Variants in ABCA4 observed in about 807,000 individuals in gnomAD.
ABCA4 encodes ATP binding cassette subfamily A member 4, also known as retinal-specific phospholipid-transporting ATPase ABCA4.
Under a neutral mutation model 263.7 loss-of-function variants are expected in ABCA4, and 196 were observed. That is an observed-to-expected ratio of 0.74 (90% CI 0.66 to 0.84). ABCA4 has a LOEUF of 0.84. Ranked by LOEUF, ABCA4 falls within the 40% of genes least tolerant of loss-of-function variation. The pLI is 0.00. For missense variants in ABCA4, 2,792 were observed against 2,855.1 expected, an observed-to-expected ratio of 0.98 and a Z score of 0.50; for synonymous variants, 1,133 against 1,094.2, an observed-to-expected ratio of 1.04 and a Z score of -0.70.
intron 8 of ABCA4, 105 bp from the exon 9 acceptor site, chr1:94,079,566 G>A (rs1430492407): frequency 6.5e-7 from 1 of 1,546,612 alleles, no homozygotes; most frequent in South Asian, 1.1e-5. Context: ...CTCCATGCTG[G>A]AGGATTTGAT....
intron 4 of ABCA4, among the ~76,000 whole-genome samples, chr1:94,104,095 T>A (rs551311550): frequency 4.6e-5 from 7 of 152,166 alleles, no homozygotes; most frequent in Non-Finnish European, 8.8e-5. Flanking sequence ...TATGATCGAA[T>A]TAATATAATT....
chr1:94,028,869 T>C (rs138322490), intron 30 of ABCA4, among the ~76,000 whole-genome samples: 5,357 of 121,332 alleles, frequency 0.044, 333 homozygotes, highest in African/African-American at 0.16. Flanking sequence ...ATCACACCGC[T>C]GCACTCCAAC....
rs61752390 is a variant in ABCA4 at position 94,080,491 on chromosome 1, A to T, written c.1086T>A (p.Tyr362Ter). 1 of 1,614,238 alleles carries T rather than the reference A, an allele frequency of 6.2e-7. No individual in the cohort carries two copies. The highest frequency in any genetic ancestry group is 8.5e-7 in the Non-Finnish European group (1 of 1,180,042). The change falls in exon 8 of 50, where the codon TAT (tyrosine) becomes TAA (stop). Residue 362 changes from tyrosine (Y) to a stop codon, truncating the protein, a stop_gained. Transcript: ENST00000370225. LOFTEE classifies it high-confidence loss of function. ...CAGAAAACTTACTTGTTCTTCTGTC[A>T]TAAGAATAGATAGGATCCTTCCTTG... ...DSTRKDPIYS[Y>*]DRRTTSFCNA...
chr1:94,029,468 C>T lies in ABCA4; in HGVS notation c.4516G>A (p.Ala1506Thr), dbSNP rs1243394849. ...ACCTGGGGGGGCGGGAGGCCCCCGG[C>T]ACCCTCGGGGCACTCTGGCAGCATG... ...LTMLPECPEGAGGLPPPQRTQ... is the reference protein window; with the variant it reads ...LTMLPECPEGTGGLPPPQRTQ... The change falls in exon 30 of 50, where the codon GCC (alanine) becomes ACC (threonine). Residue 1506 changes from alanine (A) to threonine (T), a missense_variant. By Grantham distance (58) the Ala-to-Thr change is moderately conservative (BLOSUM62 0). Transcript: ENST00000370225. 1 of 1,564,232 alleles carries T rather than the reference C, an allele frequency of 6.4e-7. No homozygotes were observed. Among genetic ancestry groups the T allele is most frequent in the East Asian group, 2.3e-5 (1 of 42,732 alleles).
chr1:93,994,337 T>C (rs1408782764), intron 49 of ABCA4, among the ~76,000 whole-genome samples: 2 of 152,352 alleles, frequency 1.3e-5, no homozygotes, highest in Non-Finnish European at 1.5e-5. Context: ...TGGAGTCCTT[T>C]GGAGAGTAAA....
intron 10 of ABCA4, 49 bp downstream of exon 10, chr1:94,078,541 C>T (rs1416563962): frequency 1.7e-6 from 2 of 1,173,728 alleles, no homozygotes; most frequent in East Asian, 2.6e-5. Flanking sequence ...CTTTCTTGCC[C>T]CCACCGCTTC....
At chr1:94,014,915 A>G (rs1659682821) in intron 37 of ABCA4, among the ~76,000 whole-genome samples, 1 of 152,170 alleles carries the variant, frequency 6.6e-6, no homozygotes, top group Non-Finnish European at 1.5e-5. Context: ...TGAGGAGCAA[A>G]TGGGCTGCTA....
Position 94,078,120 on chromosome 1 carries a change from G to A in ABCA4, c.1357-233C>T, listed in dbSNP as rs568151647. 1.1e-3 allele frequency among the ~76,000 whole-genome samples: 163 copies of A among 152,260 alleles called. 1 individual carries two copies. Among genetic ancestry groups the A allele is most frequent in the African/African-American group, 3.7e-3 (152 of 41,544 alleles). ...GTAGGGGCAAAGGAGGGGCCAGATG[G>A]GGGTCATTGAATATGGTGTATAAAA... is the stretch of plus-strand genomic sequence containing the variant. On this transcript the variant is annotated intron_variant, in intron 10 of 49. Coordinates refer to ENST00000370225, the MANE Select transcript of ABCA4 (RefSeq NM_000350.3).
chr1:94,010,940 A>G lies in ABCA4; in HGVS notation c.5585-11T>C, dbSNP rs750891832. On this transcript the variant is annotated splice_polypyrimidine_tract_variant and intron_variant, in intron 39 of 49. Transcript: ENST00000370225. ...CAGAGTGCTCCTCACCTGGGCATCAACAGGAATTGAGTCCACTTCAGCCGC... is the reference window on the plus strand; with the variant it reads ...CAGAGTGCTCCTCACCTGGGCATCAGCAGGAATTGAGTCCACTTCAGCCGC... 2 of 1,614,034 alleles carry G rather than the reference A, an allele frequency of 1.2e-6. No individual in the cohort carries two copies. The highest frequency in any genetic ancestry group is 1.1e-5 in the South Asian group (1 of 91,070).
At chr1:94,009,197 A>G (rs1036078382) in intron 40 of ABCA4, among the ~76,000 whole-genome samples, 1 of 152,114 alleles carries the variant, frequency 6.6e-6, no homozygotes, top group Non-Finnish European at 1.5e-5. Flanking sequence ...GATTGTGCTG[A>G]AGATGAACTC....
intron 11 of ABCA4, among the ~76,000 whole-genome samples, chr1:94,066,140 G>A (rs1250276468): frequency 6.6e-6 from 1 of 152,214 alleles, no homozygotes; most frequent in Non-Finnish European, 1.5e-5. Flanking sequence ...GGGGTAGGTG[G>A]CATCTAATAT....
At chr1:94,026,001 C>T (rs570392985) in intron 30 of ABCA4, among the ~76,000 whole-genome samples, 47 of 152,284 alleles carry the variant, frequency 3.1e-4, no homozygotes, top group Non-Finnish European at 2.4e-4. Context: ...GGACTGGAAG[C>T]TAGTTCATCG....
rs1661571699 is a variant in ABCA4 at position 94,077,679 on chromosome 1, C to T, written c.1554+11G>A. 3 of 1,603,322 alleles carry T rather than the reference C, an allele frequency of 1.9e-6. No individual in the cohort carries two copies. The highest frequency in any genetic ancestry group is 2.6e-6 in the Non-Finnish European group (3 of 1,173,740). On this transcript the variant is annotated intron_variant, in intron 11 of 49. Coordinates refer to ENST00000370225, the MANE Select transcript of ABCA4 (RefSeq NM_000350.3). The stretch of plus-strand genomic sequence containing the variant: ...TTCAAGGGGCCCACTGTGGGGCTTG[C>T]AGCCCCTTACCTCCAGGTATTGATT...
At chr1:93,997,432 AT>A (rs112489936) in intron 48 of ABCA4, among the ~76,000 whole-genome samples, 2,164 of 132,146 alleles carry the variant, frequency 0.016, 25 homozygotes, top group African/African-American at 0.035. Flanking sequence ...TAATTTTCTG[AT>A]TTTTTTTTTT....
chr1:94,027,296 C>T (rs556954626), intron 30 of ABCA4, among the ~76,000 whole-genome samples: 71 of 152,314 alleles, frequency 4.7e-4, no homozygotes, highest in African/African-American at 1.5e-3. Flanking sequence ...GGACAGACCG[C>T]GTGGAAGTAA....
chr1:94,104,598 G>A (rs571095), intron 4 of ABCA4, among the ~76,000 whole-genome samples: 136,721 of 152,218 alleles, frequency 0.9, 61,814 homozygotes, highest in South Asian at 0.96. Context: ...CCATGCAGCT[G>A]GGGCAGGGGA....
At chr1:94,019,304 T>G in intron 36 of ABCA4, 4 of 381,812 alleles carry the variant, frequency 1.0e-5, no homozygotes, top group Non-Finnish European at 1.9e-5. Flanking sequence ...AGTGATTATT[T>G]GATGGGTCAG....
chr1:94,020,723 T>C (rs960389255), intron 35 of ABCA4, among the ~76,000 whole-genome samples: 4 of 152,166 alleles, frequency 2.6e-5, no homozygotes, highest in African/African-American at 9.7e-5. Flanking sequence ...CAACCCCTCC[T>C]CCATGTAGGC....
intron 24 of ABCA4, among the ~76,000 whole-genome samples, chr1:94,038,640 G>A (rs376197940): frequency 6.6e-6 from 1 of 152,186 alleles, no homozygotes; most frequent in African/African-American, 2.4e-5. Flanking sequence ...AAGCAGCTCT[G>A]CCCTAATAGC....
Sources: allele counts gnomAD v4.1 joint callset (sites outside exome capture counted in the v4.1 genomes callset), GRCh38; gene constraint gnomAD v4.1.1; transcripts MANE v1.5; gene names NCBI Gene and HGNC (gene_info 2026-07-23, HGNC 2026-07-21).